NAV1: variants seen among roughly 807,000 people sequenced by gnomAD.
NAV1 encodes pore membrane and/or filament interacting like protein 3.
In NAV1, 18 loss-of-function variants were observed where a neutral mutation model predicts 175.2. That is an observed-to-expected ratio of 0.10 (90% CI 0.07 to 0.15). The LOEUF is 0.15. Among genes scored for constraint, NAV1 ranks in the 10% least tolerant of loss-of-function variants. The pLI, the probability that NAV1 is intolerant of heterozygous loss-of-function variation, is 1.00. For missense variants in NAV1, 1,731 were observed against 2,436.6 expected (o/e 0.71, Z 6.10); for synonymous variants, 897 against 978.7 (o/e 0.92, Z 1.56).
chr1:201,825,900 G>A (rs1679644810), exon 30 of NAV1: 1 of 152,222 alleles, frequency 6.6e-6, no homozygotes, highest in Non-Finnish European at 1.5e-5. Context: ...GACCTCAGGT[G>A]ATTCACCTGC....
chr1:201,786,644 G>C, intron 9 of NAV1, 67 bp downstream of exon 13: 1 of 1,504,160 alleles, frequency 6.6e-7, no homozygotes, highest in Non-Finnish European at 9.0e-7. Flanking sequence ...GGTGAGGCAA[G>C]GCAGGTGGGC....
chr1:201,667,957 A>C (rs923447976), intron 1 of NAV1, among the ~76,000 whole-genome samples: 5 of 152,172 alleles, frequency 3.3e-5, no homozygotes, highest in Non-Finnish European at 5.9e-5. Context: ...GGCCAGTCTC[A>C]CTGGCCAGAG....
chr1:201,714,158 G>A (rs1257699141), intron 2 of NAV1, among the ~76,000 whole-genome samples: 8 of 152,132 alleles, frequency 5.3e-5, no homozygotes, highest in Admixed American at 4.6e-4. Context: ...TGATCCACAC[G>A]CCTTGGCCTC....
chr1:201,551,822 A>AAT (rs1665863111), intron 1 of NAV1, among the ~76,000 whole-genome samples: 1 of 152,204 alleles, frequency 6.6e-6, no homozygotes, highest in Non-Finnish European at 1.5e-5. Context: ...GGCCTGTGTT[A>AAT]GGCTGGCAAC....
chr1:201,686,453 C>T (rs1032985206), intron 1 of NAV1, among the ~76,000 whole-genome samples: 10 of 152,218 alleles, frequency 6.6e-5, no homozygotes, highest in African/African-American at 2.4e-4. Context: ...GAAATTCAGA[C>T]TTGTCATCCC....
chr1:201,650,661 G>T (rs1265619957), intron 1 of NAV1, among the ~76,000 whole-genome samples: 2 of 152,226 alleles, frequency 1.3e-5, no homozygotes, highest in East Asian at 3.9e-4. Context: ...GACCGGTTCG[G>T]CCTGCTGCAG....
intron 1 of NAV1, among the ~76,000 whole-genome samples, chr1:201,705,053 G>A (rs1292810631): frequency 2.6e-5 from 4 of 152,074 alleles, no homozygotes; most frequent in East Asian, 1.9e-4. Flanking sequence ...TCCTGGGCTC[G>A]AGGTATCCTC....
At chr1:201,804,632 C>T (rs1678165849) in intron 17 of NAV1, 135 bp downstream of exon 21, 2 of 818,962 alleles carry the variant, frequency 2.4e-6, no homozygotes, top group Non-Finnish European at 3.7e-6. Flanking sequence ...CTAACTGTAA[C>T]AACCACCCAG....
At chr1:201,561,759 T>A (rs1666206468) in intron 1 of NAV1, among the ~76,000 whole-genome samples, 1 of 152,174 alleles carries the variant, frequency 6.6e-6, no homozygotes, top group Non-Finnish European at 1.5e-5. Flanking sequence ...CTGTGTTCCC[T>A]ACTCAGCCTG....
At chr1:201,821,560 G>C (rs1679383777) in exon 30 of NAV1, 1 of 143,526 alleles carries the variant, frequency 7.0e-6, no homozygotes, top group Admixed American at 7.1e-5. Flanking sequence ...ACAAGACCTG[G>C]GCCCTTAAGT....
chr1:201,710,369 A>G (rs1190470667), intron 1 of NAV1, among the ~76,000 whole-genome samples: 2 of 151,386 alleles, frequency 1.3e-5, no homozygotes, highest in Non-Finnish European at 2.9e-5. Context: ...TCATTACAGC[A>G]TTGAACTCTT....
rs757338202 is a variant in NAV1 at position 201,788,489 on chromosome 1, C to T, written c.3017C>T (p.Thr1006Met). The T allele has an allele frequency of 1.7e-5, 28 of 1,614,040 alleles. No homozygotes were observed. The highest frequency in any genetic ancestry group is 6.6e-5 in the South Asian group (6 of 91,086). Reference sequence around the variant, plus strand: ...CCAGTGAGTCCCACTGCGGCCACCACGCCAAGAATCACCCGCTCCAACAGC... The same window carrying T: ...CCAGTGAGTCCCACTGCGGCCACCATGCCAAGAATCACCCGCTCCAACAGC... The change falls in exon 10 of 30, where the codon ACG becomes ATG. Residue 1006 changes from threonine to methionine, a missense_variant. Physicochemically the swap from Thr to Met is moderately conservative, Grantham distance 81. Around this residue, in one of 13 missense-constraint regions of NAV1, gnomAD observed 634 missense variants for 766.8 expected, o/e 0.83. Transcript: ENST00000367296. This position sits in a 1 kb window ranked among gnomAD's most constrained non-coding sequence, Gnocchi z 5.7.
Position 201,782,095 on chromosome 1 carries a change from T to G in NAV1, c.1664-81T>G. ...ACAATACATGGACAATGTTCCCTTC[T>G]CCCATGGAGGGAAAGAAAAGGGTGG... On this transcript the variant is annotated intron_variant, in intron 5 of 29. Transcript: ENST00000367296. The surrounding 1 kb of genome is among the most constrained non-coding windows in gnomAD (Gnocchi z 5.4). 7.9e-7 allele frequency: 1 copy of G among 1,264,528 alleles called. No individual in the cohort carries two copies. The highest frequency in any genetic ancestry group is 1.5e-5 in the South Asian group (1 of 68,342). The allele number at this position is 1,264,528 out of a possible 1,614,324, so 78.3% of individuals were successfully genotyped here.
At chr1:201,734,087 G>A (rs1672985056) in intron 3 of NAV1, among the ~76,000 whole-genome samples, 1 of 152,060 alleles carries the variant, frequency 6.6e-6, no homozygotes, top group South Asian at 2.1e-4. Context: ...TAGAAGTGGA[G>A]GTGGGGAGAA....
chr1:201,789,815 C>T (rs561519314), intron 11 of NAV1, 23 bp downstream of exon 15: 14 of 1,603,590 alleles, frequency 8.7e-6, no homozygotes, highest in East Asian at 6.7e-5. Flanking sequence ...ACTTCTCTTC[C>T]CCTCTCATCC....
chr1:201,667,399 G>A (rs1339672691), intron 1 of NAV1, among the ~76,000 whole-genome samples: 1 of 152,190 alleles, frequency 6.6e-6, no homozygotes, highest in African/African-American at 2.4e-5. Context: ...GGGAAGGAGT[G>A]GGTGGGACCA....
At chr1:201,648,273 C>A in exon 1 of NAV1, 1 of 1,055,586 alleles carries the variant, frequency 9.5e-7, no homozygotes, top group Non-Finnish European at 1.1e-6. Context: ...GCAGGCAGGC[C>A]GCGGGCTGGG....
chr1:201,551,866 G>C (rs1048082191), intron 1 of NAV1, among the ~76,000 whole-genome samples: 5 of 152,194 alleles, frequency 3.3e-5, no homozygotes, highest in Admixed American at 6.5e-5. Flanking sequence ...AGCCGGTCTG[G>C]AGCTAATAAG....
chr1:201,715,702 G>A (rs193190362), intron 2 of NAV1, among the ~76,000 whole-genome samples: 4 of 152,300 alleles, frequency 2.6e-5, no homozygotes, highest in East Asian at 3.9e-4. Flanking sequence ...CTTCATCCTC[G>A]GAGCTTATGG....
Sources: allele counts gnomAD v4.1 joint callset (sites outside exome capture counted in the v4.1 genomes callset), GRCh38; gene constraint gnomAD v4.1.1; regional missense constraint gnomAD v4.1.1; non-coding constraint Gnocchi (gnomAD v3.1); transcripts MANE v1.5; gene names NCBI Gene and HGNC (gene_info 2026-07-23, HGNC 2026-07-21).